PAG1: variants seen among roughly 807,000 people sequenced by gnomAD.
The protein encoded by PAG1 is phosphoprotein membrane anchor with glycosphingolipid microdomains 1, also known as phosphoprotein associated with glycosphingolipid-enriched microdomains 1.
PAG1 carries 23 observed loss-of-function variants against 31.7 expected under a neutral mutation model. The ratio of observed to expected loss-of-function variants is 0.73; its 90% CI spans 0.52 to 1.03. PAG1 has a LOEUF of 1.03. Among genes scored for constraint, PAG1 ranks in the 50% least tolerant of loss-of-function variants. The pLI is 0.00. For missense variants in PAG1, 473 were observed against 540.7 expected (o/e 0.87, Z 1.24); for synonymous variants, 214 against 210.3 (o/e 1.02, Z -0.15).
At chr8:80,988,658 C>T (rs1563618612) in intron 5 of PAG1, among the ~76,000 whole-genome samples, 2 of 152,110 alleles carry the variant, frequency 1.3e-5, no homozygotes, top group Admixed American at 1.3e-4. Flanking sequence ...TGCTATGTTG[C>T]TCAGGCTGGT....
At chr8:81,102,305 T>C (rs1809622601) in intron 1 of PAG1, among the ~76,000 whole-genome samples, 2 of 152,140 alleles carry the variant, frequency 1.3e-5, no homozygotes, top group African/African-American at 4.8e-5. Flanking sequence ...CTGCCTAACG[T>C]TTTTTAAAAC....
At chr8:81,103,551 A>G (rs1199471824) in intron 1 of PAG1, among the ~76,000 whole-genome samples, 1 of 152,202 alleles carries the variant, frequency 6.6e-6, no homozygotes, top group Admixed American at 6.5e-5. Flanking sequence ...ATATTTAACT[A>G]AAACATACGG....
At chr8:81,023,318 T>C (rs1307397408) in intron 3 of PAG1, among the ~76,000 whole-genome samples, 2 of 152,148 alleles carry the variant, frequency 1.3e-5, no homozygotes, top group South Asian at 2.1e-4. Context: ...AAATGACAAA[T>C]GGGCATATAC....
At chr8:81,030,727 C>T (rs551345291) in intron 2 of PAG1, among the ~76,000 whole-genome samples, 4 of 152,320 alleles carry the variant, frequency 2.6e-5, no homozygotes, top group South Asian at 4.1e-4. Context: ...CCCAATCCTA[C>T]CTGTTGTTCT....
chr8:81,092,510 C>T (rs1386315375), intron 1 of PAG1, among the ~76,000 whole-genome samples: 1 of 152,180 alleles, frequency 6.6e-6, no homozygotes, highest in African/African-American at 2.4e-5. Flanking sequence ...ATAGAATCTA[C>T]ATGTCAGAAT....
intron 3 of PAG1, among the ~76,000 whole-genome samples, chr8:81,024,203 C>T (rs2705495): frequency 0.17 from 25,105 of 152,028 alleles, 2,380 homozygotes; most frequent in African/African-American, 0.26. Context: ...CCTTTACCAC[C>T]CTGAACAACA....
intron 5 of PAG1, among the ~76,000 whole-genome samples, chr8:80,989,924 T>G (rs901416426): frequency 6.6e-6 from 1 of 152,042 alleles, no homozygotes; most frequent in Admixed American, 6.5e-5. Context: ...GTGGGAGCCC[T>G]TCCCCAGCCC....
At chr8:81,098,693 A>G (rs1809565135) in intron 1 of PAG1, among the ~76,000 whole-genome samples, 1 of 152,212 alleles carries the variant, frequency 6.6e-6, no homozygotes, top group Admixed American at 6.5e-5. Flanking sequence ...GAGGTGAACC[A>G]CAAACCACAA....
chr8:81,039,414 G>T (rs1808516793), intron 2 of PAG1: 1 of 152,270 alleles, frequency 6.6e-6, no homozygotes. Flanking sequence ...TGTGAAGCCT[G>T]AAGGTATGCT....
At chr8:81,045,373 A>G (rs1586185521) in intron 2 of PAG1, among the ~76,000 whole-genome samples, 2 of 152,226 alleles carry the variant, frequency 1.3e-5, no homozygotes, top group South Asian at 2.1e-4. Flanking sequence ...CAGCTACTGC[A>G]AACTCTAACA....
At chr8:81,071,247 C>A (rs2130970233) in intron 1 of PAG1, among the ~76,000 whole-genome samples, 1 of 152,282 alleles carries the variant, frequency 6.6e-6, no homozygotes, top group South Asian at 2.1e-4. Context: ...GACTCTTAAC[C>A]CATGTGGTCT....
intron 3 of PAG1, among the ~76,000 whole-genome samples, chr8:81,028,318 A>T (rs1467817123): frequency 6.6e-6 from 1 of 152,230 alleles, no homozygotes; most frequent in African/African-American, 2.4e-5. Flanking sequence ...CTAGCAGTGC[A>T]TCTCTTACCT....
chr8:81,030,374 T>G (rs1808359670), intron 2 of PAG1, among the ~76,000 whole-genome samples: 1 of 152,226 alleles, frequency 6.6e-6, no homozygotes, highest in African/African-American at 2.4e-5. Flanking sequence ...ACAAATCAAT[T>G]TACTTGCTCT....
At chr8:80,993,928 T>C (rs1807615873) in intron 3 of PAG1, among the ~76,000 whole-genome samples, 1 of 152,262 alleles carries the variant, frequency 6.6e-6, no homozygotes, top group African/African-American at 2.4e-5. Context: ...TGTCTTCAAA[T>C]AAAGATTTCA....
At chr8:81,014,189 T>A (rs1294739762) in intron 3 of PAG1, among the ~76,000 whole-genome samples, 1 of 152,210 alleles carries the variant, frequency 6.6e-6, no homozygotes, top group African/African-American at 2.4e-5. Context: ...ATTTAGAATA[T>A]CAAGCCCCAG....
Position 81,075,089 on chromosome 8 carries a change from C to T in PAG1, c.-233-4919G>A, listed in dbSNP as rs115713527. ...GCAACCAGGTACCTATCTCCACTCTCGTTTGCCAGAGAGAAGGCAACCAGA... is the reference window on the plus strand; with the variant it reads ...GCAACCAGGTACCTATCTCCACTCTTGTTTGCCAGAGAGAAGGCAACCAGA... On this transcript the variant is annotated intron_variant, in intron 1 of 8. Coordinates refer to ENST00000220597, the MANE Select transcript of PAG1 (RefSeq NM_018440.4). Among the ~76,000 whole-genome samples the T allele has an allele frequency of 9.9e-3, 1,505 of 152,314 alleles. 24 individuals carry two copies. The highest frequency in any genetic ancestry group is 0.034 in the African/African-American group (1,403 of 41,564).
At chr8:81,015,036 T>C (rs1489370056) in intron 3 of PAG1, among the ~76,000 whole-genome samples, 2 of 152,244 alleles carry the variant, frequency 1.3e-5, no homozygotes, top group African/African-American at 4.8e-5. Context: ...GCCATATTTC[T>C]GCACTACACA....
intron 3 of PAG1, among the ~76,000 whole-genome samples, chr8:80,997,317 A>C (rs1807700364): frequency 6.6e-6 from 1 of 152,136 alleles, no homozygotes. Flanking sequence ...TTGCTCTGTC[A>C]CCTAGGCTGG....
At chr8:81,002,143 C>T (rs1807796288) in intron 3 of PAG1, among the ~76,000 whole-genome samples, 1 of 152,090 alleles carries the variant, frequency 6.6e-6, no homozygotes, top group Admixed American at 6.5e-5. Flanking sequence ...GCACTATTTG[C>T]AGTCACGCTC....
Sources: allele counts gnomAD v4.1 joint callset (sites outside exome capture counted in the v4.1 genomes callset), GRCh38; gene constraint gnomAD v4.1.1; transcripts MANE v1.5; gene names NCBI Gene and HGNC (gene_info 2026-07-23, HGNC 2026-07-21).